P2RX5: variants seen among roughly 807,000 people sequenced by gnomAD.
P2RX5 encodes purinergic receptor P2X 5.
Under a neutral mutation model 54.1 loss-of-function variants are expected in P2RX5, and 46 were observed. That is an observed-to-expected ratio of 0.85 (90% confidence interval 0.67 to 1.09). The LOEUF is 1.09. Among genes scored for constraint, P2RX5 ranks in the 50% least tolerant of loss-of-function variants. The probability of loss-of-function intolerance (pLI) is 0.00; values close to 1 mark genes in which losing one functional copy is unlikely to be tolerated. For missense variants in P2RX5, 566 were observed against 549.8 expected (o/e 1.03, Z -0.29); for synonymous variants, 226 against 226.4 (o/e 1.00, Z 0.02).
At chr17:3,679,884 C>T (rs1046843792) in intron 10 of P2RX5, 100 bp from the exon 11 acceptor site, 19 of 1,010,058 alleles carry the variant, frequency 1.9e-5, no homozygotes, top group South Asian at 2.7e-5. Flanking sequence ...CCCTGCAGGC[C>T]GCCACCCTGC....
intron 9 of P2RX5, among the ~76,000 whole-genome samples, chr17:3,685,866 G>A (rs2050450073): frequency 4.5e-5 from 1 of 22,234 alleles, no homozygotes; most frequent in African/African-American, 1.6e-4. Flanking sequence ...CCCAGCCTCA[G>A]AACAGGAGAA....
chr17:3,684,152 C>T (rs887667473), intron 9 of P2RX5, among the ~76,000 whole-genome samples: 2 of 152,268 alleles, frequency 1.3e-5, no homozygotes, highest in African/African-American at 4.8e-5. Flanking sequence ...CCCGGCCCCA[C>T]TGAAGGGCCA....
the P2RX5 span, among the ~76,000 whole-genome samples, chr17:3,711,776 A>G: frequency 6.7e-6 from 1 of 148,602 alleles, no homozygotes. Context: ...CTCACTGCAA[A>G]CTCTGCCTTC....
At chr17:3,677,436 G>A (rs2050130250) in intron 11 of P2RX5, 1 of 985,458 alleles carries the variant, frequency 1.0e-6, no homozygotes, top group Non-Finnish European at 1.2e-6. Flanking sequence ...CCCACTAAGA[G>A]CCAGCTGCCT....
At chr17:3,682,124 G>A (rs2050301225) in intron 9 of P2RX5, 146 bp from the exon 10 acceptor site, 2 of 692,920 alleles carry the variant, frequency 2.9e-6, no homozygotes, top group Admixed American at 2.0e-5. Context: ...GGCTCAGCAA[G>A]GGGCACCCTT....
the P2RX5 span, chr17:3,723,722 C>A: frequency 6.2e-7 from 1 of 1,606,086 alleles, no homozygotes; most frequent in African/African-American, 1.3e-5. Context: ...GCGCTCCTGA[C>A]TCCAGGTGCA....
chr17:3,699,917 G>GGAAA (rs71362545), upstream of P2RX5, among the ~76,000 whole-genome samples: 619 of 75,398 alleles, frequency 8.2e-3, 18 homozygotes, highest in African/African-American at 0.015. Context: ...AAGGAAGGAA[G>GGAAA]GAAAGAAAGA....
chr17:3,708,428 C>G, the P2RX5 span, among the ~76,000 whole-genome samples: 1 of 148,614 alleles, frequency 6.7e-6, no homozygotes, highest in African/African-American at 2.5e-5. Flanking sequence ...GTTGTTTGAA[C>G]TGGACAAGAA....
At chr17:3,699,095 C>CATA (rs60173844), upstream of P2RX5, among the ~76,000 whole-genome samples, 8,264 of 100,088 alleles carry the variant, frequency 0.083, 502 homozygotes, top group Non-Finnish European at 0.11. Context: ...ACACACACAC[C>CATA]TATATATATA....
chr17:3,676,537 G>C lies in P2RX5; in HGVS notation c.1260-2660C>G, dbSNP rs566898562. On this transcript the variant is annotated intron_variant, in intron 11 of 11. Transcript: ENST00000225328. ...CTGAGCATACTGCTGCTTTCAGGGT[G>C]GGGGAGGAAGCCTCTTGGTCTCTAG... 4.9e-5 allele frequency: 48 copies of C among 985,254 alleles called. No individual in the cohort carries two copies. In the South Asian group the frequency reaches 6.1e-4, roughly 13 times the overall value. The allele number at this position is 985,254 out of a possible 1,614,324, so 61.0% of individuals were successfully genotyped here.
upstream of P2RX5, among the ~76,000 whole-genome samples, chr17:3,699,095 C>CACACACACACACATATA (rs60173844): frequency 8.0e-4 from 80 of 100,250 alleles, no homozygotes; most frequent in African/African-American, 3.3e-3. Flanking sequence ...ACACACACAC[C>CACACACACACACATATA]TATATATATA....
chr17:3,699,885 G>A (rs368709221), upstream of P2RX5, among the ~76,000 whole-genome samples: 63 of 24,132 alleles, frequency 2.6e-3, 1 homozygote, highest in Middle Eastern at 0.025. Context: ...AAGGAAGGAA[G>A]GAAGGAAGGA....
chr17:3,690,590 G>A lies in P2RX5; in HGVS notation c.436+15C>T, dbSNP rs556260278. On this transcript the variant is annotated intron_variant, in intron 4 of 11. Transcript: ENST00000225328. ...CCGAGTCCTCCTTCAGCCCGTGGCC[G>A]CTCCAGGCCCTCACCGTTTCCAGCT... is the stretch of plus-strand genomic sequence containing the variant. The A allele has an allele frequency of 1.4e-5, 22 of 1,613,176 alleles. No homozygotes were observed. The East Asian group carries it at 2.2e-4, about 16-fold the overall frequency.
chr17:3,716,753 T>C, the P2RX5 span: 12 of 1,609,936 alleles, frequency 7.5e-6, no homozygotes, highest in South Asian at 3.3e-5. Context: ...TTAATGATGA[T>C]AGGCAAAGAA....
the P2RX5 span, chr17:3,723,504 G>A: frequency 1.7e-5 from 17 of 974,820 alleles, no homozygotes; most frequent in Non-Finnish European, 2.4e-5. Flanking sequence ...CAATTTCAGC[G>A]CTCACCTCGG....
chr17:3,685,140 C>T (rs978705945), intron 9 of P2RX5, among the ~76,000 whole-genome samples: 9 of 152,112 alleles, frequency 5.9e-5, no homozygotes, highest in Admixed American at 1.3e-4. Flanking sequence ...TCACTGCGCC[C>T]GGCCTAATCC....
At chr17:3,718,919 C>T in the P2RX5 span, among the ~76,000 whole-genome samples, 20,724 of 152,004 alleles carry the variant, frequency 0.14, 4,724 homozygotes, top group African/African-American at 0.47. Flanking sequence ...TTCCATTTCC[C>T]TCTATTTTCT....
chr17:3,679,505 G>C, intron 11 of P2RX5, 85 bp downstream of exon 11: 1 of 1,250,472 alleles, frequency 8.0e-7, no homozygotes, highest in Admixed American at 1.8e-5. Flanking sequence ...GGGTCCGCTG[G>C]AGCTGCCAGG....
the P2RX5 span, among the ~76,000 whole-genome samples, chr17:3,701,284 G>A: frequency 6.6e-6 from 1 of 152,066 alleles, no homozygotes; most frequent in African/African-American, 2.4e-5. Flanking sequence ...GTGTATTTAC[G>A]TGTGGCCCAA....
Sources: allele counts gnomAD v4.1 joint callset (sites outside exome capture counted in the v4.1 genomes callset), GRCh38; gene constraint gnomAD v4.1.1; transcripts MANE v1.5; gene names NCBI Gene and HGNC (gene_info 2026-07-23, HGNC 2026-07-21).